Variants in ZNF385D observed in about 807,000 individuals in gnomAD.
ZNF385D encodes the protein zinc finger protein 659.
ZNF385D carries 15 observed loss-of-function variants against 35.8 expected under a neutral mutation model. That is an observed-to-expected ratio of 0.42 (90% CI 0.28 to 0.64). ZNF385D has a LOEUF of 0.64. Among genes scored for constraint, ZNF385D ranks in the 30% least tolerant of loss-of-function variants. The pLI is 0.23. For missense variants in ZNF385D, 474 were observed against 494.6 expected, an observed-to-expected ratio of 0.96 and a Z score of 0.39; for synonymous variants, 212 against 186.8, an observed-to-expected ratio of 1.13 and a Z score of -1.10.
intron 1 of ZNF385D, among the ~76,000 whole-genome samples, chr3:21,724,392 A>G (rs1370133231): frequency 6.8e-6 from 1 of 147,766 alleles, no homozygotes; most frequent in East Asian, 2.1e-4. Context: ...AATGTGCTGT[A>G]TTCAGGAGAC....
At chr3:21,868,794 C>A (rs1348593370) in intron 3 of ZNF385D, among the ~76,000 whole-genome samples, 7 of 152,118 alleles carry the variant, frequency 4.6e-5, no homozygotes, top group African/African-American at 1.7e-4. Context: ...CTGAACAGAG[C>A]ACAGTATTTT....
intron 1 of ZNF385D, among the ~76,000 whole-genome samples, chr3:21,717,147 T>G (rs577677688): frequency 6.6e-6 from 1 of 152,110 alleles, no homozygotes; most frequent in African/African-American, 2.4e-5. Flanking sequence ...TCCTGACACA[T>G]AGCAAATTCT....
intron 4 of ZNF385D, among the ~76,000 whole-genome samples, chr3:21,440,114 G>C (rs1403043815): frequency 1.3e-5 from 2 of 151,902 alleles, no homozygotes; most frequent in Non-Finnish European, 2.9e-5. Flanking sequence ...AAGAAAGTAA[G>C]GTAAATATAT....
At chr3:21,467,356 T>A (rs1357536177) in intron 4 of ZNF385D, among the ~76,000 whole-genome samples, 2 of 152,190 alleles carry the variant, frequency 1.3e-5, no homozygotes, top group Admixed American at 1.3e-4. Flanking sequence ...AAAACATTAT[T>A]CTGATTCTAA....
chr3:22,099,913 T>C (rs1440816960), intron 3 of ZNF385D, among the ~76,000 whole-genome samples: 2 of 54,942 alleles, frequency 3.6e-5, no homozygotes, highest in East Asian at 2.3e-4. Context: ...AAAACCTTTA[T>C]CAAAAATGTC....
intron 3 of ZNF385D, among the ~76,000 whole-genome samples, chr3:21,966,000 C>T (rs559467): frequency 0.38 from 58,178 of 151,892 alleles, 11,735 homozygotes; most frequent in African/African-American, 0.52. Context: ...AATGAAAATA[C>T]ACTTTGAGGG....
chr3:21,550,103 C>G (rs548463454), intron 3 of ZNF385D, among the ~76,000 whole-genome samples: 1 of 152,148 alleles, frequency 6.6e-6, no homozygotes, highest in South Asian at 2.1e-4. Flanking sequence ...GTAATAGATG[C>G]AGTAATTCTC....
intron 3 of ZNF385D, among the ~76,000 whole-genome samples, chr3:21,886,553 A>C (rs1698557019): frequency 6.6e-6 from 1 of 151,918 alleles, no homozygotes; most frequent in African/African-American, 2.4e-5. Context: ...CAGATATTGG[A>C]TGGACGGCTC....
chr3:21,600,223 G>T (rs1026057097), intron 2 of ZNF385D, among the ~76,000 whole-genome samples: 8 of 152,180 alleles, frequency 5.3e-5, no homozygotes, highest in African/African-American at 1.9e-4. Flanking sequence ...TCTGTCTATG[G>T]AGTAGCCGTT....
intron 3 of ZNF385D, among the ~76,000 whole-genome samples, chr3:22,068,796 G>A (rs566318426): frequency 6.6e-6 from 1 of 152,086 alleles, no homozygotes; most frequent in African/African-American, 2.4e-5. Context: ...CATTAATATT[G>A]GCATATGCAC....
intron 2 of ZNF385D, among the ~76,000 whole-genome samples, chr3:22,308,205 A>G (rs559619628): frequency 3.9e-4 from 60 of 152,250 alleles, no homozygotes; most frequent in African/African-American, 1.3e-3. Context: ...TTATTATGTT[A>G]GAAAATAGTT....
chr3:22,161,616 A>T (rs945471097), intron 3 of ZNF385D, among the ~76,000 whole-genome samples: 1 of 152,112 alleles, frequency 6.6e-6, no homozygotes, highest in African/African-American at 2.4e-5. Context: ...TTCTTTATTC[A>T]CATCTTCAAA....
chr3:21,779,980 C>A (rs551954591), intron 3 of ZNF385D, among the ~76,000 whole-genome samples: 1 of 151,996 alleles, frequency 6.6e-6, no homozygotes, highest in South Asian at 2.1e-4. Flanking sequence ...TCTTACAAGG[C>A]TGCCTTGCTC....
At chr3:21,903,497 T>C (rs1330125526) in intron 3 of ZNF385D, among the ~76,000 whole-genome samples, 1 of 152,156 alleles carries the variant, frequency 6.6e-6, no homozygotes, top group Non-Finnish European at 1.5e-5. Flanking sequence ...AGGCCAAGTA[T>C]CTAAACAAGT....
chr3:21,800,740 T>C (rs2072358396), intron 3 of ZNF385D, among the ~76,000 whole-genome samples: 2 of 152,186 alleles, frequency 1.3e-5, no homozygotes, highest in South Asian at 4.1e-4. Flanking sequence ...AGTTGTCTTT[T>C]GTTTGTTGAT....
chr3:22,132,304 C>A (rs146397776), intron 3 of ZNF385D, among the ~76,000 whole-genome samples: 1 of 152,272 alleles, frequency 6.6e-6, no homozygotes, highest in East Asian at 1.9e-4. Context: ...CATCTATGAA[C>A]TAAGAAACGG....
rs111234816 is a variant in ZNF385D at position 22,266,535 on chromosome 3, A to G, written c.107-97500T>C. Among the ~76,000 whole-genome samples the G allele has an allele frequency of 4.6e-3, 695 of 151,986 alleles. 5 individuals are homozygous for G. Among genetic ancestry groups the G allele is most frequent in the Middle Eastern group, 0.024 (7 of 294 alleles). Reference sequence around the variant, plus strand: ...ATTAATAATAACAATACCTGGGAAAATTACAGAGAAGCATGAGAAAGCACA... The same window carrying G: ...ATTAATAATAACAATACCTGGGAAAGTTACAGAGAAGCATGAGAAAGCACA... On this transcript the variant is annotated intron_variant, in intron 2 of 5. Coordinates refer to the ZNF385D transcript ENST00000494108.
intron 3 of ZNF385D, among the ~76,000 whole-genome samples, chr3:21,965,643 A>T (rs958206506): frequency 6.6e-6 from 1 of 152,190 alleles, no homozygotes; most frequent in Non-Finnish European, 1.5e-5. Flanking sequence ...AGAAATAACT[A>T]AAAAGGACAT....
chr3:22,201,073 A>T (rs1852567), intron 2 of ZNF385D, among the ~76,000 whole-genome samples: 10,279 of 152,170 alleles, frequency 0.068, 889 homozygotes, highest in African/African-American at 0.2. Context: ...TAAAGTAAAG[A>T]CAGGCATAGG....
Sources: gnomAD v4.1 joint callset for allele counts (sites outside exome capture counted in the v4.1 genomes callset) on GRCh38, gnomAD v4.1.1 for gene constraint, MANE v1.5 for transcripts, NCBI Gene and HGNC (gene_info 2026-07-23, HGNC 2026-07-21) for gene names.